Variants in SYNPR observed in about 807,000 individuals in gnomAD.
SYNPR encodes synaptoporin.
SYNPR carries 23 observed loss-of-function variants against 32.9 expected under a neutral mutation model. The observed-to-expected ratio is 0.70, with a 90% CI of 0.50 to 0.99. The LOEUF is 0.99. Ranked by LOEUF, SYNPR falls within the 50% of genes least tolerant of loss-of-function variation. The pLI, the probability that SYNPR is intolerant of heterozygous loss-of-function variation, is 0.00. For missense variants in SYNPR, 318 were observed against 349.3 expected (o/e 0.91, Z 0.71); for synonymous variants, 146 against 135.9 (o/e 1.07, Z -0.52).
chr3:63,373,423 T>G (rs994409726), intron 2 of SYNPR, among the ~76,000 whole-genome samples: 8 of 151,856 alleles, frequency 5.3e-5, no homozygotes, highest in African/African-American at 1.9e-4. Context: ...CCACAAAAAT[T>G]TCATAATGCA....
chr3:63,322,973 G>C (rs930943156), intron 2 of SYNPR, among the ~76,000 whole-genome samples: 1 of 152,014 alleles, frequency 6.6e-6, no homozygotes, highest in Non-Finnish European at 1.5e-5. Context: ...ATTGAGGGTT[G>C]CCCAGTGAGA....
intron 2 of SYNPR, among the ~76,000 whole-genome samples, chr3:63,397,973 G>A (rs1575624060): frequency 6.6e-6 from 1 of 152,204 alleles, no homozygotes; most frequent in African/African-American, 2.4e-5. Context: ...GATATAATGG[G>A]AAATGGAATC....
intron 2 of SYNPR, among the ~76,000 whole-genome samples, chr3:63,410,167 G>A (rs1219108683): frequency 6.6e-6 from 1 of 152,162 alleles, no homozygotes; most frequent in Non-Finnish European, 1.5e-5. Context: ...TCATTCAACA[G>A]GCAATTATGA....
chr3:63,397,852 T>C (rs1323595117), intron 2 of SYNPR, among the ~76,000 whole-genome samples: 1 of 152,212 alleles, frequency 6.6e-6, no homozygotes, highest in East Asian at 1.9e-4. Context: ...ATTAATTCTC[T>C]TATCTTTTGG....
chr3:63,480,224 T>A (rs1701018951), intron 2 of SYNPR, among the ~76,000 whole-genome samples: 1 of 152,152 alleles, frequency 6.6e-6, no homozygotes, highest in South Asian at 2.1e-4. Context: ...ATAGTTGACT[T>A]AGAAACAGCA....
At chr3:63,387,458 G>C (rs2088066427) in intron 2 of SYNPR, among the ~76,000 whole-genome samples, 1 of 152,120 alleles carries the variant, frequency 6.6e-6, no homozygotes, top group South Asian at 2.1e-4. Context: ...TACCTCTTTT[G>C]ATACTTGAGT....
intron 5 of SYNPR, among the ~76,000 whole-genome samples, chr3:63,613,686 G>C (rs1391080717): frequency 7.0e-6 from 1 of 142,236 alleles, no homozygotes; most frequent in African/African-American, 2.6e-5. Context: ...ATGATTCAGA[G>C]CATAGTTTAC....
At chr3:63,569,864 A>G (rs957911837) in intron 4 of SYNPR, among the ~76,000 whole-genome samples, 2 of 152,184 alleles carry the variant, frequency 1.3e-5, no homozygotes, top group African/African-American at 4.8e-5. Context: ...GGGTATCTGC[A>G]ATGCCCGCAG....
At chr3:63,361,688 G>T (rs2087664183) in intron 2 of SYNPR, among the ~76,000 whole-genome samples, 1 of 151,914 alleles carries the variant, frequency 6.6e-6, no homozygotes, top group Admixed American at 6.6e-5. Context: ...TATTGTGAGG[G>T]TGATATGGGC....
chr3:63,291,473 A>C (rs1338157423), intron 2 of SYNPR, among the ~76,000 whole-genome samples: 1 of 152,202 alleles, frequency 6.6e-6, no homozygotes, highest in Non-Finnish European at 1.5e-5. Context: ...CATATGAGAA[A>C]TATCTGATGG....
intron 5 of SYNPR, among the ~76,000 whole-genome samples, chr3:63,611,184 A>G (rs1379233574): frequency 6.6e-6 from 1 of 152,228 alleles, no homozygotes; most frequent in African/African-American, 2.4e-5. Flanking sequence ...CGCTCATACA[A>G]CTTGATGAAA....
chr3:63,603,516 T>G (rs914603813), intron 4 of SYNPR, among the ~76,000 whole-genome samples: 1 of 152,124 alleles, frequency 6.6e-6, no homozygotes, highest in Non-Finnish European at 1.5e-5. Flanking sequence ...GAAGTATGTT[T>G]CTTCAATGCC....
intron 3 of SYNPR, among the ~76,000 whole-genome samples, chr3:63,534,800 G>T (rs1206378600): frequency 6.6e-6 from 1 of 152,096 alleles, no homozygotes; most frequent in Non-Finnish European, 1.5e-5. Flanking sequence ...GTTGGAGAAG[G>T]TCAGGCTCTT....
At chr3:63,333,428 C>T (rs2087251292) in intron 2 of SYNPR, among the ~76,000 whole-genome samples, 1 of 151,918 alleles carries the variant, frequency 6.6e-6, no homozygotes, top group Admixed American at 6.6e-5. Flanking sequence ...GAATTTCTTT[C>T]TGTTTTGAAA....
At chr3:63,476,822 T>G (rs994146705) in intron 2 of SYNPR, among the ~76,000 whole-genome samples, 4 of 152,204 alleles carry the variant, frequency 2.6e-5, no homozygotes, top group African/African-American at 9.7e-5. Flanking sequence ...TTTATTTGTA[T>G]GTGCTTTTTG....
chr3:63,416,343 C>CTTG (rs1182007429), intron 2 of SYNPR, among the ~76,000 whole-genome samples: 7 of 152,100 alleles, frequency 4.6e-5, no homozygotes, highest in African/African-American at 1.4e-4. Flanking sequence ...CTAGGTTGGG[C>CTTG]AACATGGTGA....
At chr3:63,433,857 A>G (rs747675533) in intron 2 of SYNPR, among the ~76,000 whole-genome samples, 7 of 152,178 alleles carry the variant, frequency 4.6e-5, no homozygotes, top group African/African-American at 7.2e-5. Flanking sequence ...CATACTCATC[A>G]AAAGAGAGAG....
chr3:63,496,864 T>G (rs189863627), intron 3 of SYNPR, among the ~76,000 whole-genome samples: 1 of 152,246 alleles, frequency 6.6e-6, no homozygotes, highest in Admixed American at 6.5e-5. Flanking sequence ...TACTAACTGA[T>G]GCAACTCACT....
chr3:63,600,877 C>T (rs754407564), intron 4 of SYNPR, among the ~76,000 whole-genome samples: 1 of 152,160 alleles, frequency 6.6e-6, no homozygotes, highest in Admixed American at 6.5e-5. Flanking sequence ...TAAGAAAGGA[C>T]TAATACAATG....
Sources: gnomAD v4.1 joint callset for allele counts (sites outside exome capture counted in the v4.1 genomes callset) on GRCh38, gnomAD v4.1.1 for gene constraint, MANE v1.5 for transcripts, NCBI Gene and HGNC (gene_info 2026-07-23, HGNC 2026-07-21) for gene names.